The following IGF2R variants were observed in gnomAD, a reference collection of about 807,000 sequenced individuals.
The protein encoded by IGF2R is cation-independent mannose-6-phosphate receptor.
In IGF2R, 91 loss-of-function variants were observed where a neutral mutation model predicts 270.6. The ratio of observed to expected loss-of-function variants is 0.34; its 90% CI spans 0.28 to 0.40. The LOEUF (loss-of-function observed/expected upper bound fraction) is 0.40, where lower values mean the gene tolerates loss of function less well. Among genes scored for constraint, IGF2R ranks in the 10% least tolerant of loss-of-function variants. The pLI, the probability that IGF2R is intolerant of heterozygous loss-of-function variation, is 1.00. For missense variants in IGF2R, 2,805 were observed against 3,188.3 expected, an observed-to-expected ratio of 0.88 and a Z score of 2.90; for synonymous variants, 1,316 against 1,258.9, an observed-to-expected ratio of 1.05 and a Z score of -0.96.
chr6:160,100,977 A>T, intron 45 of IGF2R, among the ~76,000 whole-genome samples: 1 of 151,220 alleles, frequency 6.6e-6, no homozygotes, highest in Non-Finnish European at 1.5e-5. Context: ...TTTTTAGTAG[A>T]GATGGGGTTT....
At chr6:160,070,945 T>C (rs942379521) in intron 31 of IGF2R, among the ~76,000 whole-genome samples, 2 of 152,196 alleles carry the variant, frequency 1.3e-5, no homozygotes, top group African/African-American at 4.8e-5. Flanking sequence ...AGCATTCTCC[T>C]CTGTGACCTG....
Position 159,969,958 on chromosome 6 carries a change from T to A in IGF2R, c.149+563T>A, listed in dbSNP as rs576788510. Among the ~76,000 whole-genome samples the A allele has an allele frequency of 2.6e-5, 4 of 151,768 alleles. No individual in the cohort carries two copies. The East Asian group carries it at 5.8e-4, about 22-fold the overall frequency. On this transcript the variant is annotated intron_variant, in intron 1 of 47. Coordinates refer to ENST00000356956, the MANE Select transcript of IGF2R (RefSeq NM_000876.4). ...TTAAAGAATATATATATATATATATTTTTAGCAGGCGGTGACTTTTGTCTT... is the reference window on the plus strand; with the variant it reads ...TTAAAGAATATATATATATATATATATTTAGCAGGCGGTGACTTTTGTCTT...
At chr6:160,083,889 T>A in intron 39 of IGF2R, 61 bp from the exon 40 acceptor site, 1 of 1,139,322 alleles carries the variant, frequency 8.8e-7, no homozygotes, top group East Asian at 2.3e-5. Context: ...TCTTATGTCT[T>A]CCCTTTCTGC....
At chr6:160,101,661 G>A (rs997443265) in intron 45 of IGF2R, among the ~76,000 whole-genome samples, 6 of 152,226 alleles carry the variant, frequency 3.9e-5, no homozygotes, top group Non-Finnish European at 8.8e-5. Context: ...TTCTGTTTAT[G>A]TGATCCTGTT....
At chr6:160,054,589 A>AC (rs1778270470) in intron 19 of IGF2R, among the ~76,000 whole-genome samples, 1 of 152,198 alleles carries the variant, frequency 6.6e-6, no homozygotes, top group South Asian at 2.1e-4. Context: ...CCTAGTGGTT[A>AC]ACGAGGAAAG....
chr6:159,988,748 T>A (rs1783930417), intron 1 of IGF2R, among the ~76,000 whole-genome samples: 1 of 152,078 alleles, frequency 6.6e-6, no homozygotes, highest in African/African-American at 2.4e-5. Context: ...TTTTCCTGAG[T>A]AGTAGCCAAG....
chr6:160,056,387 T>C, intron 19 of IGF2R, 37 bp from the exon 20 acceptor site: 1 of 1,350,764 alleles, frequency 7.4e-7, no homozygotes. Context: ...AGTTCCATGT[T>C]ACTGTATTGA....
At chr6:160,027,357 G>GC (rs1374879179) in intron 6 of IGF2R, 43 bp downstream of exon 6, 1 of 1,571,180 alleles carries the variant, frequency 6.4e-7, no homozygotes. Context: ...TTAATCTCCA[G>GC]CAAGGACCTG....
In IGF2R at chr6:160,051,558, C is replaced by T. The variant is rs574172545; in HGVS notation, c.2694+906C>T. ...TGGGGTATTGCTTTCTGAGCCCCAG[C>T]AGTCCAAACCACAAAGACCACAGAT... On this transcript the variant is annotated intron_variant, in intron 19 of 47. Transcript: ENST00000356956. 6.6e-5 allele frequency among the ~76,000 whole-genome samples: 10 copies of T among 152,290 alleles called. No homozygotes were observed. In the South Asian group the frequency reaches 1.9e-3, roughly 28 times the overall value.
chr6:160,070,007 G>A lies in IGF2R; in HGVS notation c.4392G>A (p.Gly1464=). Residue 1464 remains glycine (G), a synonymous_variant, in exon 31 of 48, where the codon GGG becomes GGA. Transcript: ENST00000356956. ...KYVDGDLCPD[G]IRKKSTTIRF... ...TTGATGGCGACTTATGTCCAGATGG[G>A]ATTCGGAAAAAGTCAACCACCATCC... The A allele has an allele frequency of 5.0e-6, 8 of 1,614,244 alleles. No individual in the cohort carries two copies. Among genetic ancestry groups the A allele is most frequent in the Non-Finnish European group, 6.8e-6 (8 of 1,180,050 alleles).
intron 1 of IGF2R, among the ~76,000 whole-genome samples, chr6:159,978,806 G>A (rs574036638): frequency 2.6e-5 from 4 of 152,292 alleles, no homozygotes; most frequent in East Asian, 1.9e-4. Flanking sequence ...GAACCTGGCC[G>A]TTCAGCCAGC....
chr6:160,060,263 C>T (rs1778406725), intron 22 of IGF2R, among the ~76,000 whole-genome samples: 1 of 152,208 alleles, frequency 6.6e-6, no homozygotes, highest in Admixed American at 6.5e-5. Flanking sequence ...GTGTGTAAAC[C>T]TGTCATAACA....
At chr6:160,101,140 A>G (rs747918028) in intron 45 of IGF2R, among the ~76,000 whole-genome samples, 1 of 152,048 alleles carries the variant, frequency 6.6e-6, no homozygotes, top group Non-Finnish European at 1.5e-5. Context: ...ACATGATGCA[A>G]TTAAGTTAGG....
At chr6:160,028,957 T>C (rs960400599) in intron 6 of IGF2R, among the ~76,000 whole-genome samples, 3 of 152,140 alleles carry the variant, frequency 2.0e-5, no homozygotes, top group African/African-American at 4.8e-5. Context: ...TTCTAGGACA[T>C]GAAGCAGATC....
intron 1 of IGF2R, among the ~76,000 whole-genome samples, chr6:159,974,937 C>G (rs919382767): frequency 4.6e-5 from 7 of 152,108 alleles, no homozygotes; most frequent in Admixed American, 2.6e-4. Context: ...TTGAAGAAAA[C>G]TCAAACCATA....
chr6:160,063,035 A>T (rs1778475419), intron 26 of IGF2R, among the ~76,000 whole-genome samples: 2 of 145,176 alleles, frequency 1.4e-5, no homozygotes, highest in African/African-American at 5.0e-5. Flanking sequence ...CAAAAATTGT[A>T]AAAGTTTTTT....
At chr6:159,983,283 C>T (rs1391962369) in intron 1 of IGF2R, among the ~76,000 whole-genome samples, 1 of 152,216 alleles carries the variant, frequency 6.6e-6, no homozygotes, top group East Asian at 1.9e-4. Flanking sequence ...AAACACCTTC[C>T]TGTCTCTGGG....
chr6:160,010,650 G>A, intron 3 of IGF2R, 37 bp from the exon 4 acceptor site: 2 of 1,155,354 alleles, frequency 1.7e-6, no homozygotes, highest in Non-Finnish European at 2.6e-6. Context: ...ACAATGTGTG[G>A]TATGGTAACA....
chr6:160,040,844 C>G (rs1318077214), intron 11 of IGF2R, 120 bp downstream of exon 11: 2 of 961,756 alleles, frequency 2.1e-6, no homozygotes, highest in Non-Finnish European at 3.1e-6. Context: ...CAGCCCTCCC[C>G]CAGTTTTTTC....
Sources: gnomAD v4.1 joint callset for allele counts (sites outside exome capture counted in the v4.1 genomes callset) on GRCh38, gnomAD v4.1.1 for gene constraint, MANE v1.5 for transcripts, NCBI Gene and HGNC (gene_info 2026-07-23, HGNC 2026-07-21) for gene names.